CKMT2: variants seen among roughly 807,000 people sequenced by gnomAD.
CKMT2 encodes creatine kinase S-type, mitochondrial.
A neutral mutation model predicts 48.9 loss-of-function variants in CKMT2; 43 were observed. That is an observed-to-expected ratio of 0.88 (90% CI 0.69 to 1.13). The LOEUF is 1.13. Ranked by LOEUF, CKMT2 falls within the 50% of genes most tolerant of loss-of-function variation. The pLI is 0.00. For synonymous variants in CKMT2, 206 were observed against 213.0 expected (o/e 0.97, Z 0.29); for missense variants, 472 against 555.4 (o/e 0.85, Z 1.51).
At position 81,251,110 on chromosome 5, in the gene CKMT2, C is replaced by T. The variant is rs113456090; in HGVS notation, c.-20-3C>T. On this transcript the variant is annotated splice_polypyrimidine_tract_variant and splice_region_variant and intron_variant, in intron 1 of 9. Transcript: ENST00000254035. The stretch of plus-strand genomic sequence containing the variant: ...TATCTAATCCAGCTTCTTTGCTTTC[C>T]AGACACTCATCCAAGAGGAAGGATG... 1.2e-6 allele frequency: 2 copies of T among 1,611,998 alleles called. No individual in the cohort carries two copies. The highest frequency in any genetic ancestry group is 1.7e-6 in the Non-Finnish European group (2 of 1,178,874).
chr5:81,241,974 G>A (rs1032269325), intron 1 of CKMT2, among the ~76,000 whole-genome samples: 24 of 140,048 alleles, frequency 1.7e-4, no homozygotes, highest in Non-Finnish European at 3.1e-4. Context: ...AAAAAAAAAA[G>A]GAAACAGAAG....
intron 1 of CKMT2, chr5:81,238,141 T>C (rs1756308227): frequency 6.6e-6 from 1 of 152,156 alleles, no homozygotes; most frequent in Non-Finnish European, 1.5e-5. Context: ...GAGACCATCC[T>C]GGCTAACATG....
At chr5:81,234,034 A>C (rs1003497754) in intron 1 of CKMT2, among the ~76,000 whole-genome samples, 47 of 151,464 alleles carry the variant, frequency 3.1e-4, no homozygotes, top group East Asian at 9.7e-4. Context: ...AAAAAAAAAA[A>C]AAAAAAAAAA....
At position 81,255,177 on chromosome 5, in the gene CKMT2, C is replaced by T. The variant is rs770898040; in HGVS notation, c.632C>T (p.Ser211Phe). 3.7e-6 allele frequency: 6 copies of T among 1,613,970 alleles called. No homozygotes were observed. The highest frequency in any genetic ancestry group is 3.3e-5 in the Admixed American group (2 of 60,004). The change falls in exon 5 of 10, where the codon TCC becomes TTC. Residue 211 changes from serine (S) to phenylalanine (F), a missense_variant. Physicochemically the swap from Ser to Phe is radical, Grantham distance 155. Coordinates refer to ENST00000254035, the MANE Select transcript of CKMT2 (RefSeq NM_001099735.2). Reference protein sequence around the residue: ...GDLAGRYYKLSEMTEQDQQRL... With the variant: ...GDLAGRYYKLFEMTEQDQQRL... The stretch of plus-strand genomic sequence containing the variant: ...CTGGCTGGCCGCTACTACAAGCTGT[C>T]CGAGATGACGGAGCAGGACCAGCAG...
intron 1 of CKMT2, among the ~76,000 whole-genome samples, chr5:81,248,538 G>C (rs1203826637): frequency 6.6e-6 from 1 of 152,200 alleles, no homozygotes; most frequent in Non-Finnish European, 1.5e-5. Context: ...TATTCTTGGA[G>C]GGATACTGAC....
chr5:81,263,725 G>A lies in CKMT2; in HGVS notation c.1140+109G>A, dbSNP rs764453849. 3.8e-5 allele frequency: 36 copies of A among 940,724 alleles called. 1 individual carries two copies. The highest frequency in any genetic ancestry group is 4.7e-5 in the Admixed American group (2 of 42,132). 58.3% of individuals were successfully genotyped at this position (940,724 alleles called of 1,614,324 possible). ...TCACAAAATTCGAGACCTCCTCTTC[G>A]CCCATTGAGTCCTGAGTTATGTTAG... is the stretch of plus-strand genomic sequence containing the variant. On this transcript the variant is annotated intron_variant, in intron 9 of 9. Coordinates refer to ENST00000254035, the MANE Select transcript of CKMT2 (RefSeq NM_001099735.2).
intron 7 of CKMT2, 55 bp from the exon 8 acceptor site, chr5:81,259,065 G>A: frequency 2.6e-6 from 4 of 1,563,530 alleles, no homozygotes; most frequent in South Asian, 2.4e-5. Context: ...GGGATGTGCT[G>A]AATGAATGGA....
chr5:81,239,808 G>A (rs1756374950), intron 1 of CKMT2, among the ~76,000 whole-genome samples: 1 of 152,092 alleles, frequency 6.6e-6, no homozygotes, highest in African/African-American at 2.4e-5. Flanking sequence ...TTAAGAGTGT[G>A]GACTATGACT....
chr5:81,239,435 T>C (rs1756360502), intron 1 of CKMT2: 1 of 152,172 alleles, frequency 6.6e-6, no homozygotes, highest in Admixed American at 6.5e-5. Flanking sequence ...AAGTCTGCTC[T>C]GGGCTGAGGG....
chr5:81,254,322 G>T (rs1246850176), intron 3 of CKMT2, 74 bp from the exon 4 acceptor site: 2 of 1,291,036 alleles, frequency 1.5e-6, no homozygotes, highest in Non-Finnish European at 2.2e-6. Flanking sequence ...AGATACAAGG[G>T]GCAAGTGAAT....
At chr5:81,252,947 G>T in intron 3 of CKMT2, 54 bp downstream of exon 3, 1 of 1,590,072 alleles carries the variant, frequency 6.3e-7, no homozygotes, top group South Asian at 1.1e-5. Context: ...GGATATGACT[G>T]ACTTGCACAG....
chr5:81,251,648 CT>C (rs1385317325), intron 2 of CKMT2, among the ~76,000 whole-genome samples: 1 of 152,136 alleles, frequency 6.6e-6, no homozygotes, highest in East Asian at 1.9e-4. Flanking sequence ...AAGAAATATG[CT>C]TTCCCCTGCT....
At chr5:81,262,912 C>T (rs1427420473) in intron 8 of CKMT2, among the ~76,000 whole-genome samples, 5 of 152,178 alleles carry the variant, frequency 3.3e-5, no homozygotes, top group Admixed American at 6.5e-5. Context: ...ACAGCAAAGA[C>T]TTGGAACCAA....
intron 1 of CKMT2, among the ~76,000 whole-genome samples, chr5:81,235,269 G>A (rs1266724998): frequency 1.3e-5 from 2 of 152,178 alleles, no homozygotes; most frequent in Admixed American, 6.5e-5. Flanking sequence ...ATTAAGGTTG[G>A]CTGCGTACTA....
chr5:81,252,433 T>C (rs1756850374), intron 2 of CKMT2: 1 of 510,036 alleles, frequency 2.0e-6, no homozygotes, highest in Non-Finnish European at 3.6e-6. Context: ...TTGATTTCTA[T>C]TATTCCAACA....
intron 4 of CKMT2, 22 bp from the exon 5 acceptor site, chr5:81,254,971 G>C (rs2112810077): frequency 6.2e-7 from 1 of 1,606,382 alleles, no homozygotes. Context: ...TGGCCACAGT[G>C]ACCCCACAGT....
chr5:81,234,010 C>T (rs1265618117), intron 1 of CKMT2, among the ~76,000 whole-genome samples: 3 of 134,238 alleles, frequency 2.2e-5, no homozygotes, highest in East Asian at 4.2e-4. Flanking sequence ...CCTTTCCCAC[C>T]GGAGGTTAAT....
At chr5:81,248,423 G>C (rs950820591) in intron 1 of CKMT2, among the ~76,000 whole-genome samples, 2 of 152,206 alleles carry the variant, frequency 1.3e-5, no homozygotes, top group Non-Finnish European at 2.9e-5. Context: ...AAGTGGGTTT[G>C]AGGGTGTGAT....
intron 5 of CKMT2, among the ~76,000 whole-genome samples, chr5:81,255,668 A>G (rs1255477165): frequency 6.6e-6 from 1 of 152,158 alleles, no homozygotes. Flanking sequence ...AAGCCTCTGC[A>G]TTTCCTGGTG....
Sources: allele counts gnomAD v4.1 joint callset (sites outside exome capture counted in the v4.1 genomes callset), GRCh38; gene constraint gnomAD v4.1.1; transcripts MANE v1.5; gene names NCBI Gene and HGNC (gene_info 2026-07-23, HGNC 2026-07-21).